The following FAM20C variants were observed in gnomAD, a reference collection of about 807,000 sequenced individuals.
FAM20C encodes the protein extracellular serine/threonine protein kinase FAM20C.
Under a neutral mutation model 51.5 loss-of-function variants are expected in FAM20C, and 40 were observed. The ratio of observed to expected loss-of-function variants is 0.78; its 90% CI spans 0.60 to 1.01. FAM20C has a LOEUF of 1.01. FAM20C is among the 50% of genes least tolerant of loss of function. The pLI is 0.00. For synonymous variants in FAM20C, 406 were observed against 380.6 expected (o/e 1.07, Z -0.78); for missense variants, 861 against 844.7 (o/e 1.02, Z -0.24).
rs190950324 is a variant in FAM20C, at chr7:211,620, G to A, written c.863+2644G>A. Among the ~76,000 whole-genome samples, 99 of 152,298 alleles carry A rather than the reference G, an allele frequency of 6.5e-4. 1 individual carries two copies. In the East Asian group the frequency reaches 0.017, roughly 27 times the overall value. ...TGCCATCCCAGCTTGCCTGAAGGCC[G>A]AGGCTGCTGACGGATGGGCTGGGCA... On this transcript the variant is annotated intron_variant, in intron 3 of 9. Coordinates refer to ENST00000313766, the MANE Select transcript of FAM20C (RefSeq NM_020223.4).
chr7:222,045 C>G (rs375316751), intron 3 of FAM20C, among the ~76,000 whole-genome samples: 1 of 62,490 alleles, frequency 1.6e-5, no homozygotes, highest in Admixed American at 1.9e-4. Context: ...GGGCACAGGG[C>G]GGAGCCTCGT....
intron 2 of FAM20C, chr7:197,182 A>T (rs1003406438): frequency 6.0e-6 from 1 of 166,972 alleles, no homozygotes; most frequent in African/African-American, 2.4e-5. Flanking sequence ...GGTGGTGGGG[A>T]GTTGAGGATG....
intron 6 of FAM20C, 192 bp downstream of exon 6, chr7:256,221 T>C: frequency 1.3e-6 from 1 of 745,564 alleles, no homozygotes; most frequent in Non-Finnish European, 2.1e-6. Flanking sequence ...CTCCAGTATT[T>C]CCATGTGCTT....
chr7:236,169 C>T (rs1787842169), intron 3 of FAM20C, among the ~76,000 whole-genome samples: 2 of 151,770 alleles, frequency 1.3e-5, no homozygotes, highest in Admixed American at 1.3e-4. Context: ...GCAGCATCCC[C>T]TCCTGATCCC....
chr7:226,467 C>G (rs960612771), intron 3 of FAM20C, among the ~76,000 whole-genome samples: 1 of 152,210 alleles, frequency 6.6e-6, no homozygotes. Context: ...AGGACGAGGG[C>G]CCAAGGCTCA....
At chr7:252,868 C>T (rs1341603085) in intron 5 of FAM20C, among the ~76,000 whole-genome samples, 1 of 152,244 alleles carries the variant, frequency 6.6e-6, no homozygotes, top group East Asian at 1.9e-4. Context: ...ACACACTCCC[C>T]TACTTCTCAC....
rs1240298400 is a variant in FAM20C at position 259,912 on chromosome 7, A to T, written c.1687A>T (p.Arg563Trp). The T allele has an allele frequency of 6.5e-7, 1 of 1,535,206 alleles. No individual in the cohort carries two copies. Among genetic ancestry groups the T allele is most frequent in the Non-Finnish European group, 8.7e-7 (1 of 1,146,012 alleles). The part of the protein sequence containing the change: ...VLKAVRDCVE[R>W]NGLHSVVDDD... Reference sequence around the variant, plus strand: ...AAAGGCCGTCCGGGACTGCGTGGAGAGGAACGGGCTCCACAGCGTGGTGGA... The same window carrying T: ...AAAGGCCGTCCGGGACTGCGTGGAGTGGAACGGGCTCCACAGCGTGGTGGA... Residue 563 changes from arginine (R) to tryptophan (W), a missense_variant, in exon 10 of 10, where the codon AGG (arginine) becomes TGG (tryptophan). Coordinates refer to ENST00000313766, the MANE Select transcript of FAM20C (RefSeq NM_020223.4).
chr7:256,615 T>G, intron 6 of FAM20C, 39 bp from the exon 7 acceptor site: 1 of 1,493,894 alleles, frequency 6.7e-7, no homozygotes, highest in Non-Finnish European at 9.0e-7. Flanking sequence ...CTCCCCAGAA[T>G]CTGGCCTGGG....
intron 2 of FAM20C, among the ~76,000 whole-genome samples, chr7:195,968 G>T (rs989731684): frequency 2.0e-5 from 3 of 152,244 alleles, no homozygotes; most frequent in South Asian, 2.1e-4. Context: ...CGCCTGGACA[G>T]CCGGTCCACT....
rs1788816712 is a variant in FAM20C at position 259,951 on chromosome 7, A to G, written c.1726A>G (p.Thr576Ala). The G allele has an allele frequency of 1.3e-6, 2 of 1,525,874 alleles. No homozygotes were observed. The highest frequency in any genetic ancestry group is 8.8e-7 in the Non-Finnish European group (1 of 1,138,604). 94.5% of individuals were successfully genotyped at this position (1,525,874 alleles called of 1,614,324 possible). A position where few individuals can be genotyped will look rare whatever the true frequency, so the allele number is the denominator to read the frequency against. The change falls in exon 10 of 10, where the codon ACT becomes GCT. Residue 576 changes from threonine (T) to alanine (A), a missense_variant. By Grantham distance (58) the Thr-to-Ala change is moderately conservative. Around this residue, in one of 3 missense-constraint regions of FAM20C, gnomAD observed 269 missense variants for 283.8 expected, o/e 0.95. Coordinates refer to ENST00000313766, the MANE Select transcript of FAM20C (RefSeq NM_020223.4). Reference sequence around the variant, plus strand: ...CAGCGTGGTGGATGACGACCTGGACACTGAGCACAGAGCCGCCTCGGCGAG... The same window carrying G: ...CAGCGTGGTGGATGACGACCTGGACGCTGAGCACAGAGCCGCCTCGGCGAG... Reference protein sequence around the residue: ...LHSVVDDDLDTEHRAASAR With the variant: ...LHSVVDDDLDAEHRAASAR
At chr7:227,662 C>T (rs867971226) in intron 3 of FAM20C, 1 of 152,082 alleles carries the variant, frequency 6.6e-6, no homozygotes, top group South Asian at 2.1e-4. Flanking sequence ...CCGGGGAGCC[C>T]GCGTTCATTT....
intron 3 of FAM20C, among the ~76,000 whole-genome samples, chr7:210,636 G>T (rs534958654): frequency 5.3e-5 from 8 of 152,144 alleles, no homozygotes; most frequent in Non-Finnish European, 1.2e-4. Flanking sequence ...AATGTTTCCA[G>T]GTTCATTCAG....
At chr7:213,602 C>T (rs1786829912) in intron 3 of FAM20C, among the ~76,000 whole-genome samples, 1 of 152,214 alleles carries the variant, frequency 6.6e-6, no homozygotes, top group African/African-American at 2.4e-5. Context: ...CCGCTTTTGA[C>T]AATCAAGGAT....
At chr7:235,380 G>T (rs1397033732) in intron 3 of FAM20C, among the ~76,000 whole-genome samples, 29 of 152,202 alleles carry the variant, frequency 1.9e-4, no homozygotes, top group Non-Finnish European at 1.5e-5. Context: ...CGTGACATGA[G>T]TGTGGGTTGC....
intron 5 of FAM20C, among the ~76,000 whole-genome samples, chr7:254,234 C>G (rs577971477): frequency 6.6e-6 from 1 of 152,332 alleles, no homozygotes; most frequent in East Asian, 1.9e-4. Context: ...ACCGGCCACC[C>G]TCCTGTTCAC....
At chr7:199,806 G>A (rs1786047154) in intron 2 of FAM20C, among the ~76,000 whole-genome samples, 1 of 152,188 alleles carries the variant, frequency 6.6e-6, no homozygotes, top group Non-Finnish European at 1.5e-5. Context: ...CTTGGGCTGG[G>A]GCTGGCGATA....
In FAM20C at chr7:245,135, G is replaced by A. The variant is rs556145655; in HGVS notation, c.864-1280G>A. On this transcript the variant is annotated intron_variant, in intron 3 of 9. Transcript: ENST00000313766. ...CAGGAGTTGGGCGGACCTCCGCTGC[G>A]TATATGGAAGGAAGGACCCGGCCGG... Among the ~76,000 whole-genome samples the A allele has an allele frequency of 1.2e-3, 187 of 152,348 alleles. 1 individual carries two copies. Among genetic ancestry groups the A allele is most frequent in the African/African-American group, 4.3e-3 (180 of 41,586 alleles).
At chr7:254,125 T>A (rs1788504828) in intron 5 of FAM20C, among the ~76,000 whole-genome samples, 1 of 149,268 alleles carries the variant, frequency 6.7e-6, no homozygotes, top group Non-Finnish European at 1.5e-5. Context: ...AGCCGGGACC[T>A]GCCGGGTGCG....
chr7:252,159 G>A (rs1034867464), intron 5 of FAM20C, among the ~76,000 whole-genome samples: 12 of 152,014 alleles, frequency 7.9e-5, no homozygotes, highest in Admixed American at 2.0e-4. Flanking sequence ...AGGCCCTGCC[G>A]GAGCCAAGGG....
Sources: allele counts gnomAD v4.1 joint callset (sites outside exome capture counted in the v4.1 genomes callset), GRCh38; gene constraint gnomAD v4.1.1; regional missense constraint gnomAD v4.1.1; transcripts MANE v1.5; gene names NCBI Gene and HGNC (gene_info 2026-07-23, HGNC 2026-07-21).